The following SYT14 variants were observed in gnomAD, a reference collection of about 807,000 sequenced individuals.
SYT14 encodes the protein synaptotagmin-14.
SYT14 carries 32 observed loss-of-function variants against 74.2 expected under a neutral mutation model. That is an observed-to-expected ratio of 0.43 (90% CI 0.33 to 0.58). The LOEUF (loss-of-function observed/expected upper bound fraction) is 0.58, where lower values mean the gene tolerates loss of function less well. Among genes scored for constraint, SYT14 ranks in the 20% least tolerant of loss-of-function variants. The pLI is 0.05. For missense variants in SYT14, 791 were observed against 981.8 expected, an observed-to-expected ratio of 0.81 and a Z score of 2.60; for synonymous variants, 298 against 337.7, an observed-to-expected ratio of 0.88 and a Z score of 1.29.
intron 5 of SYT14, among the ~76,000 whole-genome samples, chr1:210,071,412 A>G (rs1299689999): frequency 6.6e-6 from 1 of 152,044 alleles, no homozygotes; most frequent in Admixed American, 6.5e-5. Flanking sequence ...CTAAACATTC[A>G]CTAAAAGGAC....
At position 210,100,165 on chromosome 1, in the gene SYT14, T is replaced by A. The variant is rs769945855; in HGVS notation, c.1738T>A (p.Tyr580Asn). 8 of 1,613,928 alleles carry A rather than the reference T, an allele frequency of 5.0e-6. No homozygotes were observed. The Admixed American group carries it at 1.3e-4, about 27-fold the overall frequency. The change falls in exon 7 of 10, where the codon TAT (tyrosine) becomes AAT (asparagine). Residue 580 changes from tyrosine to asparagine, a missense_variant. By Grantham distance (143) the Tyr-to-Asn change is moderately radical. Transcript: ENST00000637265. ...GACAGCTGTCACAGACATCCCAACA[T>A]ATAACAGGACAGGTGGCAACTCATG...
rs533352730 is a variant in SYT14 at position 209,986,017 on chromosome 1, C to T, written c.-485-27616C>T. Among the ~76,000 whole-genome samples the T allele has an allele frequency of 6.6e-5, 10 of 152,258 alleles. No individual in the cohort carries two copies. The South Asian group carries it at 1.7e-3, about 25-fold the overall frequency. On this transcript the variant is annotated intron_variant, in intron 2 of 9. Coordinates refer to ENST00000637265, the Ensembl canonical transcript of SYT14. ...TCAAGACCTTTGGTTGGAAGGGCTG[C>T]CATGAAGGTCTCTGAGACCTTTCTC...
chr1:210,128,348 G>A (rs537576711), intron 7 of SYT14, among the ~76,000 whole-genome samples: 2 of 151,462 alleles, frequency 1.3e-5, no homozygotes, highest in South Asian at 4.2e-4. Context: ...TTGTACTCTA[G>A]TCTGGGTGAC....
intron 5 of SYT14, among the ~76,000 whole-genome samples, chr1:210,032,616 C>A (rs982920193): frequency 1.3e-5 from 2 of 149,976 alleles, no homozygotes; most frequent in Non-Finnish European, 3.0e-5. Flanking sequence ...CTGCTTCTTT[C>A]ATTTTTTCAT....
intron 7 of SYT14, among the ~76,000 whole-genome samples, chr1:210,115,854 G>C (rs192707074): frequency 6.6e-6 from 1 of 151,390 alleles, no homozygotes; most frequent in African/African-American, 2.5e-5. Context: ...AATTTCATGT[G>C]CATCTGTGTG....
At position 209,966,018 on chromosome 1, in the gene SYT14, G is replaced by A. The variant is rs557110246; in HGVS notation, c.-486+13262G>A. 134 of 433,658 alleles carry A rather than the reference G, an allele frequency of 3.1e-4. No homozygotes were observed. Among genetic ancestry groups the A allele is most frequent in the Middle Eastern group, 6.4e-4 (1 of 1,564 alleles). 26.9% of individuals were successfully genotyped at this position (433,658 alleles called of 1,614,324 possible). On this transcript the variant is annotated intron_variant, in intron 2 of 9. Coordinates refer to ENST00000637265, the Ensembl canonical transcript of SYT14. ...CCCAAGTAACTGGGACTACAGGTGCGTGCCCACCACACCCAGCTAATTTTG... is the reference window on the plus strand; with the variant it reads ...CCCAAGTAACTGGGACTACAGGTGCATGCCCACCACACCCAGCTAATTTTG...
At chr1:210,114,762 G>T (rs1292267792) in intron 7 of SYT14, among the ~76,000 whole-genome samples, 1 of 151,152 alleles carries the variant, frequency 6.6e-6, no homozygotes, top group Non-Finnish European at 1.5e-5. Context: ...GCTAGTCATG[G>T]AACAAAACTG....
chr1:210,082,938 G>C (rs1307123876), intron 5 of SYT14, among the ~76,000 whole-genome samples: 1 of 152,000 alleles, frequency 6.6e-6, no homozygotes, highest in East Asian at 1.9e-4. Context: ...TAGAAAGTTG[G>C]TAGCTATACG....
chr1:209,938,574 C>T (rs192601783), intron 1 of SYT14, among the ~76,000 whole-genome samples: 1,713 of 152,166 alleles, frequency 0.011, 36 homozygotes, highest in African/African-American at 0.04. Context: ...GCCGCCGCCT[C>T]CTGCCGGCCG....
rs199773637 is a variant in SYT14, at chr1:210,124,184, ATT to A, written c.2034+23725_2034+23726del. Among the ~76,000 whole-genome samples, 1,263 of 152,094 alleles carry A rather than the reference ATT, an allele frequency of 8.3e-3. 22 individuals are homozygous for A. Among genetic ancestry groups the A allele is most frequent in the African/African-American group, 0.029 (1,203 of 41,446 alleles). Reference sequence around the variant, plus strand: ...GATCATATGCTCATGAAACCAAAAAATTTACTATCTGGCCCTTTACAGAAAAA... The same window carrying A: ...GATCATATGCTCATGAAACCAAAAAATACTATCTGGCCCTTTACAGAAAAA... On this transcript the variant is annotated intron_variant, in intron 7 of 9. Transcript: ENST00000637265.
chr1:210,064,035 CT>C (rs2081253521), intron 5 of SYT14, among the ~76,000 whole-genome samples: 1 of 151,882 alleles, frequency 6.6e-6, no homozygotes, highest in Admixed American at 6.6e-5. Flanking sequence ...TGAAAGCTGA[CT>C]TTTAGTTATC....
chr1:210,069,059 A>G (rs2102436765), intron 5 of SYT14, among the ~76,000 whole-genome samples: 1 of 151,930 alleles, frequency 6.6e-6, no homozygotes, highest in African/African-American at 2.4e-5. Context: ...ATAAAATTCC[A>G]AATATTTAAG....
chr1:210,012,125 A>G (rs1450137362), intron 2 of SYT14, among the ~76,000 whole-genome samples: 1 of 152,162 alleles, frequency 6.6e-6, no homozygotes, highest in Non-Finnish European at 1.5e-5. Flanking sequence ...GGGCTTTTGC[A>G]GATGTTATTT....
chr1:209,977,687 G>A (rs2079394489), intron 2 of SYT14, among the ~76,000 whole-genome samples: 1 of 152,116 alleles, frequency 6.6e-6, no homozygotes, highest in South Asian at 2.1e-4. Context: ...ATGAGTCTTG[G>A]AGTTGCTCTT....
chr1:210,165,243 T>G (rs751707630), exon 10 of SYT14: 15 of 152,172 alleles, frequency 9.9e-5, no homozygotes, highest in African/African-American at 1.7e-4. Context: ...AAAAACTACT[T>G]AGGACATTAT....
chr1:210,098,241 G>A (rs553694693), intron 6 of SYT14, among the ~76,000 whole-genome samples: 11 of 151,456 alleles, frequency 7.3e-5, no homozygotes, highest in Non-Finnish European at 1.5e-4. Context: ...GCACTCTCCC[G>A]ACCTAAAATA....
At chr1:209,942,873 G>A (rs1408426870) in intron 1 of SYT14, among the ~76,000 whole-genome samples, 1 of 152,114 alleles carries the variant, frequency 6.6e-6, no homozygotes, top group African/African-American at 2.4e-5. Context: ...TTTTAAAAAT[G>A]TAGAATAAGG....
At chr1:210,116,108 G>A (rs1455633407) in intron 7 of SYT14, among the ~76,000 whole-genome samples, 9 of 151,998 alleles carry the variant, frequency 5.9e-5, no homozygotes, top group Admixed American at 4.6e-4. Context: ...AATGTCATCA[G>A]TTAAGGCAGG....
chr1:210,088,845 T>C (rs2081798756), intron 5 of SYT14, among the ~76,000 whole-genome samples: 1 of 151,978 alleles, frequency 6.6e-6, no homozygotes, highest in Non-Finnish European at 1.5e-5. Context: ...CTACAAGTAG[T>C]TGTGTAGATC....
Sources: allele counts gnomAD v4.1 joint callset (sites outside exome capture counted in the v4.1 genomes callset), GRCh38; gene constraint gnomAD v4.1.1; transcripts MANE v1.5; gene names NCBI Gene and HGNC (gene_info 2026-07-23, HGNC 2026-07-21).